ACACA: variants seen among roughly 807,000 people sequenced by gnomAD.
ACACA encodes acetyl-CoA carboxylase 1.
Under a neutral mutation model 296.1 loss-of-function variants are expected in ACACA, and 103 were observed. The ratio of observed to expected loss-of-function variants is 0.35; its 90% CI spans 0.30 to 0.41. The LOEUF (loss-of-function observed/expected upper bound fraction) is 0.41. Ranked by LOEUF, ACACA falls within the 10% of genes least tolerant of loss-of-function variation. ACACA has a pLI of 1.00. For missense variants in ACACA, 1,554 were observed against 2,989.7 expected, an observed-to-expected ratio of 0.52 and a Z score of 11.20; for synonymous variants, 953 against 1,038.6, an observed-to-expected ratio of 0.92 and a Z score of 1.58.
chr17:37,230,287 G>C (rs1405884658), intron 25 of ACACA, among the ~76,000 whole-genome samples: 1 of 151,528 alleles, frequency 6.6e-6, no homozygotes. Context: ...AGGAGGCTGA[G>C]GCAGGAGAAT....
chr17:37,224,965 G>GTT (rs753213813), intron 27 of ACACA, 27 bp downstream of exon 27: 163 of 999,336 alleles, frequency 1.6e-4, no homozygotes, highest in Admixed American at 2.5e-4. Context: ...GCAGGAAAGG[G>GTT]TTATATATAT....
At position 37,085,797 on chromosome 17, in the gene ACACA, T is replaced by C. The variant is rs1373702948; in HGVS notation, c.*1519A>G. On this transcript the variant is annotated 3_prime_UTR_variant, in exon 56 of 56. Transcript: ENST00000616317. ...GTGGAGCTCGTTCTTGTGTGCAAACTACAGGGTTAAGGCTCAGAACTGTGG... is the reference window on the plus strand; with the variant it reads ...GTGGAGCTCGTTCTTGTGTGCAAACCACAGGGTTAAGGCTCAGAACTGTGG... 2.5e-6 allele frequency: 1 copy of C among 399,134 alleles called. No homozygotes were observed. The highest frequency in any genetic ancestry group is 3.6e-5 in the East Asian group (1 of 28,080). 24.7% of individuals were successfully genotyped at this position (399,134 alleles called of 1,614,324 possible).
chr17:37,161,800 T>C lies in ACACA; in HGVS notation c.5330A>G (p.Asp1777Gly), dbSNP rs1567743002. The C allele has an allele frequency of 1.2e-6, 2 of 1,612,340 alleles. No individual in the cohort carries two copies. The change falls in exon 42 of 56, where the codon GAT (aspartate) becomes GGT (glycine). Residue 1777 changes from aspartate to glycine, a missense_variant. Asp to Gly is a moderately conservative substitution (Grantham distance 94). This residue lies in a region of ACACA where 553 missense variants were observed against 1,043.6 expected (regional missense o/e 0.53). Transcript: ENST00000616317. ...IRHMFHVAWV[D>G]PEDPYKGYRY... Reference sequence around the variant, plus strand: ...GTGTACCTTGTAAGGATCCTCAGGATCTACCCAGGCCACATGAAACATATG... The same window carrying C: ...GTGTACCTTGTAAGGATCCTCAGGACCTACCCAGGCCACATGAAACATATG...
chr17:37,143,821 G>A lies in ACACA; in HGVS notation c.5679+6043C>T, dbSNP rs1160506147. 8.9e-6 allele frequency: 12 copies of A among 1,346,792 alleles called. No individual in the cohort carries two copies. The Middle Eastern group carries it at 1.0e-3, about 114-fold the overall frequency. The allele number at this position is 1,346,792 out of a possible 1,614,324, so 83.4% of individuals were successfully genotyped here. A position where few individuals can be genotyped will look rare whatever the true frequency, so the allele number is the denominator to read the frequency against. On this transcript the variant is annotated intron_variant, in intron 45 of 55. Coordinates refer to ENST00000616317, the MANE Select transcript of ACACA (RefSeq NM_198834.3). ...CTTTCCTTTAGCTCAATATGCAGCA[G>A]TATCCTTTTCGTATTTTTCCTTCAG...
Position 37,234,873 on chromosome 17 carries a change from A to C in ACACA, c.3246+102T>G, listed in dbSNP as rs922011814. On this transcript the variant is annotated intron_variant, in intron 25 of 55. Transcript: ENST00000616317. ...AAGCCCCATTCATCCCATAATTATAAAAGGCAGTAGTTTTTTTTCTCTGGC... is the reference window on the plus strand; with the variant it reads ...AAGCCCCATTCATCCCATAATTATACAAGGCAGTAGTTTTTTTTCTCTGGC... The C allele has an allele frequency of 6.0e-6, 8 of 1,327,150 alleles. No individual in the cohort carries two copies. In the African/African-American group the frequency reaches 1.2e-4, roughly 19 times the overall value. 82.2% of individuals were successfully genotyped at this position (1,327,150 alleles called of 1,614,324 possible). A position where few individuals can be genotyped will look rare whatever the true frequency, so the allele number is the denominator to read the frequency against.
At chr17:37,390,304 T>TTTTATATATATATATATATATA (rs1201500381) in intron 1 of ACACA, among the ~76,000 whole-genome samples, 4 of 17,974 alleles carry the variant, frequency 2.2e-4, no homozygotes, top group African/African-American at 1.1e-3. Flanking sequence ...TTATACATAA[T>TTTTATATATATATATATATATA]TATATATATA....
intron 25 of ACACA, among the ~76,000 whole-genome samples, chr17:37,229,372 T>C (rs552798668): frequency 1.3e-5 from 2 of 151,906 alleles, no homozygotes; most frequent in Middle Eastern, 3.4e-3. Context: ...GGCGCAATCT[T>C]GGCTCACTGC....
At chr17:37,259,575 A>T (rs1025032795) in intron 11 of ACACA, 45 bp from the exon 12 acceptor site, 1 of 1,608,174 alleles carries the variant, frequency 6.2e-7, no homozygotes, top group Admixed American at 1.7e-5. Context: ...CACCTTATCC[A>T]ACTGCTAGAC....
intron 1 of ACACA, among the ~76,000 whole-genome samples, chr17:37,394,114 T>A (rs1421465549): frequency 1.3e-5 from 2 of 152,302 alleles, no homozygotes; most frequent in East Asian, 3.9e-4. Flanking sequence ...CCATTTCTAG[T>A]GTCACCATTA....
At chr17:37,372,322 A>G (rs540297622) in intron 1 of ACACA, among the ~76,000 whole-genome samples, 1 of 151,288 alleles carries the variant, frequency 6.6e-6, no homozygotes, top group South Asian at 2.1e-4. Context: ...CTGAGGCAGG[A>G]GAATGGTGTG....
chr17:37,240,214 C>G (rs993214413), intron 24 of ACACA, among the ~76,000 whole-genome samples: 1 of 152,190 alleles, frequency 6.6e-6, no homozygotes, highest in South Asian at 2.1e-4. Context: ...ATGGTAATCT[C>G]TATTAGAAAA....
At position 37,125,807 on chromosome 17, in the gene ACACA, A is replaced by G. The variant is rs17848781; in HGVS notation, c.5945-13T>C. The G allele has an allele frequency of 3.1e-4, 490 of 1,600,840 alleles. 6 individuals are homozygous for G. In the East Asian group the frequency reaches 0.011, roughly 35 times the overall value. ...TGACCTTTTTGGGCTACAGAAGGGA[A>G]AGAAAGAAAACAGAGAATAAGGACA... On this transcript the variant is annotated splice_polypyrimidine_tract_variant and intron_variant, in intron 47 of 55. Transcript: ENST00000616317.
intron 1 of ACACA, among the ~76,000 whole-genome samples, chr17:37,349,876 T>C (rs930790288): frequency 6.6e-6 from 1 of 152,064 alleles, no homozygotes; most frequent in East Asian, 1.9e-4. Flanking sequence ...TACATATTAA[T>C]TACAAAAGGG....
chr17:37,326,808 G>A (rs1384933206), intron 3 of ACACA, among the ~76,000 whole-genome samples: 4 of 151,400 alleles, frequency 2.6e-5, no homozygotes, highest in South Asian at 2.1e-4. Flanking sequence ...CAGCCTGGGC[G>A]ACAGAGCGAG....
chr17:37,103,748 C>T (rs1181357427), intron 52 of ACACA, among the ~76,000 whole-genome samples: 1 of 150,718 alleles, frequency 6.6e-6, no homozygotes, highest in African/African-American at 2.5e-5. Flanking sequence ...CACACACACA[C>T]ACAAAATGCC....
rs199767518 is a variant in ACACA at position 37,088,952 on chromosome 17, G to A, written c.7014C>T (p.Leu2338=). 1.2e-4 allele frequency: 199 copies of A among 1,614,204 alleles called. No homozygotes were observed. In the East Asian group the frequency reaches 4.0e-3, roughly 33 times the overall value. ...NIKCISRDYV[L]KQIRSLVQAN... is the part of the protein sequence containing the mutation. Reference sequence around the variant, plus strand: ...GTTGGTCTCACCTGCGGATTTGCTTGAGGACGTAGTCTCTGCTGATGCATT... The same window carrying A: ...GTTGGTCTCACCTGCGGATTTGCTTAAGGACGTAGTCTCTGCTGATGCATT... The change falls in exon 55 of 56, where the codon CTC becomes CTT. Residue 2338 remains leucine, a synonymous_variant. Transcript: ENST00000616317.
intron 39 of ACACA, 98 bp downstream of exon 39, chr17:37,188,179 C>T: frequency 8.5e-7 from 1 of 1,173,000 alleles, no homozygotes; most frequent in South Asian, 1.3e-5. Context: ...ACCAGGTGAA[C>T]CAATGGGATT....
chr17:37,363,968 C>CA (rs1281552780), intron 1 of ACACA, among the ~76,000 whole-genome samples: 3 of 151,432 alleles, frequency 2.0e-5, no homozygotes, highest in African/African-American at 7.3e-5. Context: ...ACTAAAAATA[C>CA]AAAAAATTAG....
chr17:37,332,764 T>C (rs1377567813), intron 2 of ACACA, among the ~76,000 whole-genome samples: 1 of 151,858 alleles, frequency 6.6e-6, no homozygotes, highest in African/African-American at 2.4e-5. Context: ...ATACAAAAAT[T>C]AGCTGGGTGT....
Sources: gnomAD v4.1 joint callset for allele counts (sites outside exome capture counted in the v4.1 genomes callset) on GRCh38, gnomAD v4.1.1 for gene constraint, gnomAD v4.1.1 regional missense constraint, MANE v1.5 for transcripts, NCBI Gene and HGNC (gene_info 2026-07-23, HGNC 2026-07-21) for gene names.